The following DLGAP2 variants were observed in gnomAD, a reference collection of about 807,000 sequenced individuals.
DLGAP2 encodes the protein DLG associated protein 2.
Under a neutral mutation model 100.3 loss-of-function variants are expected in DLGAP2, and 26 were observed. The observed-to-expected ratio is 0.26, with a 90% CI of 0.19 to 0.36. The LOEUF is 0.36. Ranked by LOEUF, DLGAP2 falls within the 10% of genes least tolerant of loss-of-function variation. The pLI is 1.00. For missense variants in DLGAP2, 1,858 were observed against 1,453.2 expected, an observed-to-expected ratio of 1.28 and a Z score of -4.53; for synonymous variants, 886 against 630.1, an observed-to-expected ratio of 1.41 and a Z score of -6.08.
chr8:1,453,014 G>C (rs1178967040), intron 3 of DLGAP2, among the ~76,000 whole-genome samples: 1 of 152,194 alleles, frequency 6.6e-6, no homozygotes, highest in Non-Finnish European at 1.5e-5. Context: ...TTCAAAGGAA[G>C]ACACACTGAG....
At chr8:1,572,654 C>T in intron 6 of DLGAP2, among the ~76,000 whole-genome samples, 1 of 110,884 alleles carries the variant, frequency 9.0e-6, no homozygotes, top group Admixed American at 9.9e-5. Context: ...AGAGGGTGAA[C>T]TGGAGGGGCA....
chr8:1,555,201 C>T (rs1427441718), intron 5 of DLGAP2, among the ~76,000 whole-genome samples: 1 of 152,150 alleles, frequency 6.6e-6, no homozygotes, highest in Non-Finnish European at 1.5e-5. Flanking sequence ...GACACAGACG[C>T]ACAACCCTGC....
chr8:1,143,284 A>G (rs962860215), intron 2 of DLGAP2, among the ~76,000 whole-genome samples: 4 of 152,248 alleles, frequency 2.6e-5, no homozygotes, highest in African/African-American at 9.6e-5. Flanking sequence ...GCACTGAAAC[A>G]TAGACATCCT....
chr8:1,665,483 A>G (rs17749522), intron 8 of DLGAP2, among the ~76,000 whole-genome samples: 6,469 of 152,294 alleles, frequency 0.042, 163 homozygotes, highest in South Asian at 0.069. Context: ...AATCCAACCA[A>G]TTTGGCGTGT....
intron 2 of DLGAP2, among the ~76,000 whole-genome samples, chr8:1,199,741 A>C (rs147608808): frequency 9.1e-4 from 139 of 152,202 alleles, no homozygotes; most frequent in Non-Finnish European, 1.4e-3. Context: ...TGTATCTAGG[A>C]CACTTTAGCA....
chr8:1,216,375 G>T (rs565832243), intron 2 of DLGAP2, among the ~76,000 whole-genome samples: 9 of 152,192 alleles, frequency 5.9e-5, no homozygotes, highest in East Asian at 5.8e-4. Flanking sequence ...AAGGGGCAGG[G>T]TCTCACTCTG....
At chr8:1,159,739 G>A (rs954882760) in intron 2 of DLGAP2, among the ~76,000 whole-genome samples, 1 of 152,150 alleles carries the variant, frequency 6.6e-6, no homozygotes, top group African/African-American at 2.4e-5. Flanking sequence ...GAGGCTATAC[G>A]ATTTCAGTCA....
intron 2 of DLGAP2, among the ~76,000 whole-genome samples, chr8:1,026,709 A>T (rs1801809861): frequency 6.6e-6 from 1 of 152,246 alleles, no homozygotes; most frequent in South Asian, 2.1e-4. Flanking sequence ...GAAATTAAAC[A>T]TATGGAATAC....
chr8:1,496,454 G>C (rs527980408), intron 3 of DLGAP2, among the ~76,000 whole-genome samples: 1 of 152,288 alleles, frequency 6.6e-6, no homozygotes, highest in Admixed American at 6.5e-5. Context: ...GGGCCTCTGA[G>C]GACCGGTTCT....
chr8:750,290 C>T (rs1032647429), intron 1 of DLGAP2, among the ~76,000 whole-genome samples: 4 of 152,130 alleles, frequency 2.6e-5, no homozygotes, highest in East Asian at 1.9e-4. Flanking sequence ...GAGGTCAAGG[C>T]GATTGTGCAG....
At chr8:1,282,246 T>A (rs1354142408) in intron 3 of DLGAP2, among the ~76,000 whole-genome samples, 3 of 139,404 alleles carry the variant, frequency 2.2e-5, no homozygotes, top group Non-Finnish European at 4.6e-5. Context: ...GGACATGGTG[T>A]GACCTGAACC....
chr8:1,323,686 A>G (rs1174967844), intron 3 of DLGAP2, among the ~76,000 whole-genome samples: 1 of 152,190 alleles, frequency 6.6e-6, no homozygotes, highest in Non-Finnish European at 1.5e-5. Flanking sequence ...ACCCTATTCT[A>G]GAACAATCCC....
At chr8:973,785 T>C (rs1412112279) in intron 2 of DLGAP2, among the ~76,000 whole-genome samples, 2 of 151,790 alleles carry the variant, frequency 1.3e-5, no homozygotes, top group African/African-American at 2.4e-5. Flanking sequence ...CGGAGGCGAA[T>C]CCGGAGCGCG....
chr8:1,497,849 G>A (rs1175133222), intron 3 of DLGAP2, among the ~76,000 whole-genome samples: 3 of 152,110 alleles, frequency 2.0e-5, no homozygotes, highest in Non-Finnish European at 4.4e-5. Context: ...TCCTGTTGTC[G>A]ACAAAAAGAG....
intron 3 of DLGAP2, among the ~76,000 whole-genome samples, chr8:1,290,419 C>T (rs1800033450): frequency 6.6e-6 from 1 of 152,232 alleles, no homozygotes; most frequent in South Asian, 2.1e-4. Flanking sequence ...CACACCTGCA[C>T]TCCTGCCATT....
rs73670780 is a variant in DLGAP2 at position 1,349,729 on chromosome 8, C to G, written c.106+90846C>G. Among the ~76,000 whole-genome samples, 260 of 151,922 alleles carry G rather than the reference C, an allele frequency of 1.7e-3. 1 individual carries two copies. The highest frequency in any genetic ancestry group is 6.0e-3 in the African/African-American group (247 of 41,236). ...ATGTCATGAGCCTCCCGCCCACATCCACACACAGGTAGGAAGAGGAAGGAT... is the reference window on the plus strand; with the variant it reads ...ATGTCATGAGCCTCCCGCCCACATCGACACACAGGTAGGAAGAGGAAGGAT... On this transcript the variant is annotated intron_variant, in intron 3 of 14. Coordinates refer to ENST00000637795, the MANE Select transcript of DLGAP2 (RefSeq NM_001346810.2).
chr8:1,608,726 A>C (rs1243198946), intron 6 of DLGAP2, among the ~76,000 whole-genome samples: 2 of 147,044 alleles, frequency 1.4e-5, no homozygotes, highest in Non-Finnish European at 3.0e-5. Flanking sequence ...CCAAGGCTCG[A>C]GAACTACGTG....
At chr8:1,656,015 G>C (rs999554253) in intron 8 of DLGAP2, among the ~76,000 whole-genome samples, 1 of 152,188 alleles carries the variant, frequency 6.6e-6, no homozygotes, top group Non-Finnish European at 1.5e-5. Context: ...TGGTATTTTA[G>C]GTGTTCAGAT....
chr8:915,495 C>T (rs1332460939), intron 2 of DLGAP2, among the ~76,000 whole-genome samples: 4 of 151,764 alleles, frequency 2.6e-5, no homozygotes, highest in South Asian at 2.1e-4. Flanking sequence ...TGCAGTGAGC[C>T]GAGATCGCAC....
Sources: gnomAD v4.1 joint callset for allele counts (sites outside exome capture counted in the v4.1 genomes callset) on GRCh38, gnomAD v4.1.1 for gene constraint, MANE v1.5 for transcripts, NCBI Gene and HGNC (gene_info 2026-07-23, HGNC 2026-07-21) for gene names.